The following ADCY10 variants were observed in gnomAD, a reference collection of about 807,000 sequenced individuals.
ADCY10 encodes adenylate cyclase type 10.
In ADCY10, 156 loss-of-function variants were observed where a neutral mutation model predicts 183.3. The ratio of observed to expected loss-of-function variants is 0.85; its 90% CI spans 0.75 to 0.97. The LOEUF (loss-of-function observed/expected upper bound fraction) is 0.97, where lower values mean the gene tolerates loss of function less well. ADCY10 is among the 50% of genes least tolerant of loss of function. ADCY10 has a pLI of 0.00. For missense variants in ADCY10, 1,745 were observed against 1,934.3 expected (o/e 0.90, Z 1.84); for synonymous variants, 645 against 670.0 (o/e 0.96, Z 0.58).
intron 18 of ADCY10, among the ~76,000 whole-genome samples, chr1:167,850,662 C>CTGTGTGTGT (rs3220456): frequency 1.1e-5 from 1 of 87,894 alleles, no homozygotes; most frequent in Non-Finnish European, 2.2e-5. Flanking sequence ...AAAAGGGGGC[C>CTGTGTGTGT]GTGTGTGTGT....
chr1:167,902,011 C>T lies in ADCY10; in HGVS notation c.292+5G>A. 1.2e-6 allele frequency: 2 copies of T among 1,613,762 alleles called. No individual in the cohort carries two copies. Among genetic ancestry groups the T allele is most frequent in the Non-Finnish European group, 1.7e-6 (2 of 1,179,956 alleles). On this transcript the variant is annotated splice_donor_5th_base_variant and intron_variant, in intron 4 of 32. Transcript: ENST00000367851. ...TACCCCTTCTATCTTAGTAAGCCCC[C>T]ATACCTGCAAATTTCAGGATGTCTC...
In ADCY10 at chr1:167,848,502, A is replaced by T; in HGVS notation, c.2309-13T>A. 2 of 1,613,218 alleles carry T rather than the reference A, an allele frequency of 1.2e-6. No homozygotes were observed. Among genetic ancestry groups the T allele is most frequent in the Non-Finnish European group, 1.7e-6 (2 of 1,179,422 alleles). ...TTAATGGAATACTCTACAGGGGTAT[A>T]AAAGGGAAGAAAAGTTGAGTCATTA... On this transcript the variant is annotated splice_polypyrimidine_tract_variant and intron_variant, in intron 18 of 32. Transcript: ENST00000367851.
At chr1:167,901,526 G>T in intron 5 of ADCY10, 136 bp downstream of exon 5, 1 of 910,480 alleles carries the variant, frequency 1.1e-6, no homozygotes, top group Non-Finnish European at 1.8e-6. Context: ...CATTCTGATT[G>T]TCCTGATGCC....
chr1:167,829,767 T>A (rs1321645684), intron 25 of ADCY10, among the ~76,000 whole-genome samples: 1 of 152,250 alleles, frequency 6.6e-6, no homozygotes, highest in Non-Finnish European at 1.5e-5. Context: ...AAGAGTGGAA[T>A]AACTGACTCC....
intron 18 of ADCY10, among the ~76,000 whole-genome samples, chr1:167,853,137 T>G (rs1338860805): frequency 3.3e-5 from 5 of 152,194 alleles, no homozygotes; most frequent in African/African-American, 7.2e-5. Flanking sequence ...TTCTTGTCTT[T>G]AAATTTAGTC....
Position 167,810,772 on chromosome 1 carries a change from C to T in ADCY10, c.4624G>A (p.Glu1542Lys). 1.9e-6 allele frequency: 3 copies of T among 1,614,212 alleles called. No homozygotes were observed. The East Asian group carries it at 6.7e-5, about 36-fold the overall frequency. Residue 1542 changes from glutamate (E) to lysine (K), a missense_variant, in exon 32 of 33, where the codon GAA becomes AAA. Transcript: ENST00000367851. ...TTCTCCAGTATATTCCCCTGTGTTTCAGAGAGCCGCAAGGCTGTGTTCAGG... is the reference window on the plus strand; with the variant it reads ...TTCTCCAGTATATTCCCCTGTGTTTTAGAGAGCCGCAAGGCTGTGTTCAGG... ...LFLNTALRLS[E>K]TQGNILEKCW... is the part of the protein sequence containing the mutation.
At chr1:167,837,744 A>G (rs1664331448) in intron 21 of ADCY10, among the ~76,000 whole-genome samples, 1 of 152,200 alleles carries the variant, frequency 6.6e-6, no homozygotes, top group African/African-American at 2.4e-5. Flanking sequence ...GGTTTGTGAT[A>G]GCTAATAACA....
At chr1:167,875,077 G>T in intron 13 of ADCY10, 54 bp downstream of exon 13, 1 of 1,362,804 alleles carries the variant, frequency 7.3e-7, no homozygotes, top group Non-Finnish European at 1.1e-6. Flanking sequence ...GTACTTTTCT[G>T]CATGTTTTGT....
At chr1:167,873,060 ACT>A (rs1298303318) in intron 13 of ADCY10, among the ~76,000 whole-genome samples, 8 of 151,728 alleles carry the variant, frequency 5.3e-5, no homozygotes, top group African/African-American at 1.5e-4. Flanking sequence ...ACAGAGTGAG[ACT>A]CTGTCTCAAA....
chr1:167,878,899 A>T (rs1667680515), intron 11 of ADCY10, among the ~76,000 whole-genome samples: 1 of 152,190 alleles, frequency 6.6e-6, no homozygotes, highest in East Asian at 1.9e-4. Context: ...GGGCTTGAGT[A>T]TGGAGCAGGC....
At chr1:167,817,949 G>T in intron 31 of ADCY10, 123 bp downstream of exon 31, 2 of 980,936 alleles carry the variant, frequency 2.0e-6, no homozygotes, top group Non-Finnish European at 3.1e-6. Flanking sequence ...TTGGGGAAGT[G>T]CCTTCAAAAA....
At position 167,848,340 on chromosome 1, in the gene ADCY10, C is replaced by T. The variant is rs373465156; in HGVS notation, c.2437+21G>A. 3.5e-5 allele frequency: 56 copies of T among 1,607,980 alleles called. No homozygotes were observed. The Middle Eastern group carries it at 8.4e-4, about 24-fold the overall frequency. On this transcript the variant is annotated intron_variant, in intron 19 of 32. Coordinates refer to ENST00000367851, the MANE Select transcript of ADCY10 (RefSeq NM_018417.6). ...CTGGGATTACAGGCGTGAGCCACTG[C>T]GCCCGGCCAGATTTTCTTACCTTTT...
At chr1:167,912,452 C>T (rs752537567) in intron 1 of ADCY10, among the ~76,000 whole-genome samples, 6 of 152,204 alleles carry the variant, frequency 3.9e-5, no homozygotes, top group Non-Finnish European at 7.3e-5. Flanking sequence ...TGGCACCCTG[C>T]ATTTGCATAT....
intron 31 of ADCY10, among the ~76,000 whole-genome samples, chr1:167,817,588 T>C (rs1662608850): frequency 1.3e-5 from 2 of 152,332 alleles, no homozygotes; most frequent in African/African-American, 4.8e-5. Context: ...TGTATTAATA[T>C]GCTTAATACA....
intron 1 of ADCY10, among the ~76,000 whole-genome samples, chr1:167,907,507 C>A (rs1669897976): frequency 6.6e-6 from 1 of 152,086 alleles, no homozygotes; most frequent in African/African-American, 2.4e-5. Context: ...TCATTCTACT[C>A]CCAGAAGTGA....
chr1:167,832,003 A>C (rs1468586311), intron 25 of ADCY10, among the ~76,000 whole-genome samples: 1 of 152,166 alleles, frequency 6.6e-6, no homozygotes, highest in Non-Finnish European at 1.5e-5. Flanking sequence ...ACAGGAGCTC[A>C]GCTCCATTAC....
At chr1:167,814,286 A>G (rs941480455) in intron 31 of ADCY10, among the ~76,000 whole-genome samples, 3 of 152,076 alleles carry the variant, frequency 2.0e-5, no homozygotes, top group Admixed American at 6.5e-5. Context: ...GATACTTTAT[A>G]CAAATAGTAA....
chr1:167,838,009 T>C (rs1664349648), intron 21 of ADCY10, among the ~76,000 whole-genome samples: 1 of 152,188 alleles, frequency 6.6e-6, no homozygotes. Flanking sequence ...GAAGAAAGAA[T>C]CCCAGAGAGG....
At position 167,878,474 on chromosome 1, in the gene ADCY10, A is replaced by G. The variant is rs1377602795; in HGVS notation, c.1378T>C (p.Tyr460His). 1.9e-6 allele frequency: 3 copies of G among 1,614,046 alleles called. No individual in the cohort carries two copies. In the Admixed American group the frequency reaches 5.0e-5, roughly 27 times the overall value. Reference protein sequence around the residue: ...MKGVADSGPLYQYWGRTEKVM... With the variant: ...MKGVADSGPLHQYWGRTEKVM... ...TTCTCAGTACGGCCCCAATACTGAT[A>G]CAATGGTCCAGAATCTGCAACACCT... Residue 460 changes from tyrosine to histidine, a missense_variant, in exon 12 of 33, where the codon TAT becomes CAT. Coordinates refer to ENST00000367851, the MANE Select transcript of ADCY10 (RefSeq NM_018417.6).
Sources: gnomAD v4.1 joint callset for allele counts (sites outside exome capture counted in the v4.1 genomes callset) on GRCh38, gnomAD v4.1.1 for gene constraint, MANE v1.5 for transcripts, NCBI Gene and HGNC (gene_info 2026-07-23, HGNC 2026-07-21) for gene names.